The following PPT1 variants were observed in gnomAD, a reference collection of about 807,000 sequenced individuals.
PPT1 encodes ceroid-palmitoyl-palmitoyl-protein thioesterase 1.
In PPT1, 24 loss-of-function variants were observed where a neutral mutation model predicts 44.0. That is an observed-to-expected ratio of 0.54 (90% CI 0.39 to 0.77). The LOEUF is 0.77. PPT1 is among the 30% of genes least tolerant of loss of function. The pLI is 0.00. For missense variants in PPT1, 341 were observed against 378.8 expected, an observed-to-expected ratio of 0.90 and a Z score of 0.83; for synonymous variants, 148 against 140.2, an observed-to-expected ratio of 1.06 and a Z score of -0.39.
intron 1 of PPT1, 85 bp from the exon 2 acceptor site, chr1:40,092,592 T>C: frequency 9.5e-7 from 1 of 1,050,516 alleles, no homozygotes; most frequent in Non-Finnish European, 1.5e-6. Flanking sequence ...AACAGCATTA[T>C]CAAGGATGTG....
At chr1:40,081,203 G>T (rs560779515) in intron 5 of PPT1, among the ~76,000 whole-genome samples, 1 of 152,034 alleles carries the variant, frequency 6.6e-6, no homozygotes, top group African/African-American at 2.4e-5. Flanking sequence ...TGCTGTTCTC[G>T]TGACAGTGAA....
At position 40,078,672 on chromosome 1, in the gene PPT1, C is replaced by T; in HGVS notation, c.628-14G>A. The T allele has an allele frequency of 6.3e-7, 1 of 1,597,706 alleles. No homozygotes were observed. Among genetic ancestry groups the T allele is most frequent in the Non-Finnish European group, 8.6e-7 (1 of 1,165,442 alleles). On this transcript the variant is annotated splice_polypyrimidine_tract_variant and intron_variant, in intron 6 of 8. Transcript: ENST00000642050. ...CTCATTGATACCCTGAAAGAAAGGCCAGCAACACCTAAGGTCATTACCATC... is the reference window on the plus strand; with the variant it reads ...CTCATTGATACCCTGAAAGAAAGGCTAGCAACACCTAAGGTCATTACCATC...
intron 5 of PPT1, among the ~76,000 whole-genome samples, chr1:40,085,801 A>T (rs559828192): frequency 4.2e-4 from 64 of 152,222 alleles, no homozygotes; most frequent in African/African-American, 1.5e-3. Context: ...GAAACCAACA[A>T]CTTTGTGTGA....
chr1:40,081,536 CAAAA>C (rs1317507848), intron 5 of PPT1, among the ~76,000 whole-genome samples: 1 of 99,704 alleles, frequency 1.0e-5, no homozygotes, highest in Non-Finnish European at 2.0e-5. Context: ...GAATCCATCT[CAAAA>C]AATAAATAAA....
At chr1:40,086,039 T>C (rs1649241963) in intron 5 of PPT1, among the ~76,000 whole-genome samples, 1 of 152,184 alleles carries the variant, frequency 6.6e-6, no homozygotes, top group South Asian at 2.1e-4. Flanking sequence ...AAAAGCACTC[T>C]GAGATCCACT....
At chr1:40,089,846 C>T (rs1649460081) in intron 4 of PPT1, among the ~76,000 whole-genome samples, 1 of 151,960 alleles carries the variant, frequency 6.6e-6, no homozygotes, top group Non-Finnish European at 1.5e-5. Context: ...CATTTCCTTC[C>T]CCTCCCCCAG....
In PPT1 at chr1:40,092,056, T is replaced by C. The variant is rs779143636; in HGVS notation, c.351A>G (p.Gly117=). ...AAAAAGGAACGTACAGAAATTGGCC[T>C]CCCTGGGAGAATCCCATAGCATTGT... The part of the protein sequence containing the change: ...QGYNAMGFSQ[G]GQFLRAVAQR... The change falls in exon 3 of 9, where the codon GGA becomes GGG. Residue 117 remains glycine, a synonymous_variant. Coordinates refer to ENST00000642050, the MANE Select transcript of PPT1 (RefSeq NM_000310.4). The C allele has an allele frequency of 6.2e-7, 1 of 1,614,046 alleles. No individual in the cohort carries two copies. The highest frequency in any genetic ancestry group is 8.5e-7 in the Non-Finnish European group (1 of 1,179,996).
rs539809096 is a variant in PPT1 at position 40,073,113 on chromosome 1, A to C, written c.*948T>G. On this transcript the variant is annotated 3_prime_UTR_variant, in exon 9 of 9. Coordinates refer to ENST00000642050, the MANE Select transcript of PPT1 (RefSeq NM_000310.4). The stretch of plus-strand genomic sequence containing the variant: ...AGTATTTTCCAAGCTTTTTGAGCAA[A>C]CAATCCTTTTCTCATGGAACACATC... The C allele has an allele frequency of 3.3e-5, 5 of 152,348 alleles. No homozygotes were observed. Among genetic ancestry groups the C allele is most frequent in the African/African-American group, 1.2e-4 (5 of 41,578 alleles). The allele number at this position is 152,348 out of a possible 1,614,324, so 9.4% of individuals were successfully genotyped here.
chr1:40,090,000 G>C (rs926678310), intron 4 of PPT1, among the ~76,000 whole-genome samples: 5 of 152,164 alleles, frequency 3.3e-5, no homozygotes, highest in Non-Finnish European at 5.9e-5. Context: ...ATCACAGATA[G>C]AAAACTGTAA....
intron 8 of PPT1, among the ~76,000 whole-genome samples, chr1:40,074,790 A>G (rs542565321): frequency 6.6e-6 from 1 of 152,210 alleles, no homozygotes; most frequent in African/African-American, 2.4e-5. Flanking sequence ...AGTATTAAAA[A>G]TAGATATGCA....
At chr1:40,072,094 C>G (rs1164156281), downstream of PPT1, 1 of 401,924 alleles carries the variant, frequency 2.5e-6, no homozygotes, top group Admixed American at 4.3e-5. Flanking sequence ...CTTTTATTCT[C>G]TATTCTATCC....
At chr1:40,074,217 CTTAATGAAGT>C (rs1427587212) in intron 8 of PPT1, 34 bp from the exon 9 acceptor site, 2 of 1,613,344 alleles carry the variant, frequency 1.2e-6, no homozygotes, top group African/African-American at 2.7e-5. Context: ...AATTAAAAAG[CTTAATGAAGT>C]TTTGGAGTAA....
At chr1:40,072,660 A>G (rs1648280289), downstream of PPT1, 1 of 152,654 alleles carries the variant, frequency 6.6e-6, no homozygotes. Context: ...TTAGTTGTTT[A>G]CCTGTGATAT....
intron 5 of PPT1, among the ~76,000 whole-genome samples, chr1:40,087,399 C>T (rs1364804227): frequency 5.9e-5 from 9 of 151,948 alleles, no homozygotes; most frequent in Non-Finnish European, 1.0e-4. Flanking sequence ...TGCACCACCA[C>T]GCCTGCCTAA....
rs1649627487 is a variant in PPT1, at chr1:40,092,521, C to T, written c.125-14G>A. 1 of 1,572,666 alleles carries T rather than the reference C, an allele frequency of 6.4e-7. No homozygotes were observed. Among genetic ancestry groups the T allele is most frequent in the South Asian group, 1.1e-5 (1 of 90,148 alleles). On this transcript the variant is annotated splice_polypyrimidine_tract_variant and intron_variant, in intron 1 of 8. Transcript: ENST00000642050. ...AACAGCTGTCTCCTAGCCAACAAAA[C>T]ACAATGATGGAAACTCATGAGTCCA...
At chr1:40,081,639 C>G (rs1428918913) in intron 5 of PPT1, among the ~76,000 whole-genome samples, 1 of 152,156 alleles carries the variant, frequency 6.6e-6, no homozygotes, top group Non-Finnish European at 1.5e-5. Flanking sequence ...GTGAGATGTG[C>G]CTTTCGCCTT....
intron 4 of PPT1, 54 bp downstream of exon 4, chr1:40,091,275 A>T (rs1052085230): frequency 2.0e-6 from 3 of 1,531,680 alleles, no homozygotes; most frequent in African/African-American, 2.7e-5. Context: ...TTTTTAAATC[A>T]GGTGGTCATG....
At chr1:40,091,934 T>C (rs1649586103) in intron 3 of PPT1, 111 bp downstream of exon 3, 3 of 1,380,868 alleles carry the variant, frequency 2.2e-6, no homozygotes, top group Admixed American at 2.0e-5. Flanking sequence ...TTTAGGAAAT[T>C]TCCCTTCCAA....
chr1:40,091,901 TA>T, intron 3 of PPT1, 143 bp downstream of exon 3: 1 of 974,132 alleles, frequency 1.0e-6, no homozygotes, highest in African/African-American at 1.7e-5. Flanking sequence ...TTAAGTTCCA[TA>T]AAGCTTCTTA....
Sources: gnomAD v4.1 joint callset for allele counts (sites outside exome capture counted in the v4.1 genomes callset) on GRCh38, gnomAD v4.1.1 for gene constraint, MANE v1.5 for transcripts, NCBI Gene and HGNC (gene_info 2026-07-23, HGNC 2026-07-21) for gene names.